Variants in TBC1D9 observed in about 807,000 individuals in gnomAD.
The protein encoded by TBC1D9 is TBC1 domain family member 9A.
A neutral mutation model predicts 132.0 loss-of-function variants in TBC1D9; 63 were observed. The observed-to-expected ratio is 0.48, with a 90% CI of 0.39 to 0.59. TBC1D9 has a LOEUF of 0.59. Among genes scored for constraint, TBC1D9 ranks in the 20% least tolerant of loss-of-function variants. The pLI, the probability that TBC1D9 is intolerant of heterozygous loss-of-function variation, is 0.00. For missense variants in TBC1D9, 1,261 were observed against 1,592.7 expected, an observed-to-expected ratio of 0.79 and a Z score of 3.54; for synonymous variants, 610 against 609.9, an observed-to-expected ratio of 1.00 and a Z score of 0.00.
At chr4:140,701,311 C>CAAT (rs1738065389) in intron 2 of TBC1D9, among the ~76,000 whole-genome samples, 193 bp downstream of exon 2, 1 of 152,204 alleles carries the variant, frequency 6.6e-6, no homozygotes, top group African/African-American at 2.4e-5. Flanking sequence ...ACGACTCTAT[C>CAAT]AGAGTGAGAA....
At chr4:140,689,934 T>C (rs1176774571) in intron 2 of TBC1D9, among the ~76,000 whole-genome samples, 1 of 150,848 alleles carries the variant, frequency 6.6e-6, no homozygotes, top group Non-Finnish European at 1.5e-5. Flanking sequence ...ATATTTTTAG[T>C]AGGTCTCAAA....
intron 11 of TBC1D9, among the ~76,000 whole-genome samples, chr4:140,658,326 A>G (rs1385606414): frequency 6.6e-6 from 1 of 152,212 alleles, no homozygotes; most frequent in Non-Finnish European, 1.5e-5. Flanking sequence ...CCAAACCTGT[A>G]TAGCATGTTA....
intron 1 of TBC1D9, among the ~76,000 whole-genome samples, chr4:140,736,976 T>A (rs1395614400): frequency 6.6e-6 from 1 of 152,122 alleles, no homozygotes; most frequent in Non-Finnish European, 1.5e-5. Context: ...AGCAGTTTAG[T>A]GGAAGGCAAT....
In TBC1D9 at chr4:140,659,588, C is replaced by T; in HGVS notation, c.1921G>A (p.Gly641Ser). The T allele has an allele frequency of 6.3e-7, 1 of 1,583,838 alleles. No individual in the cohort carries two copies. The highest frequency in any genetic ancestry group is 8.6e-7 in the Non-Finnish European group (1 of 1,163,696). Residue 641 changes from glycine to serine, a missense_variant and splice_region_variant, in exon 11 of 21, where the codon GGT becomes AGT. Physicochemically the swap from Gly to Ser is moderately conservative, Grantham distance 56. Coordinates refer to ENST00000442267, the MANE Select transcript of TBC1D9 (RefSeq NM_015130.3). ...AAATGTTAAATGCATCTCCACTTAC[C>T]CACAACTCTGGTGTTGTAGTAATCT... ...LPDYYNTRVV[G>S]ALVDQGVFEE...
Position 140,670,923 on chromosome 4 carries a change from T to C in TBC1D9, c.1063A>G (p.Thr355Ala). The change falls in exon 7 of 21, where the codon ACA becomes GCA. Residue 355 changes from threonine to alanine, a missense_variant. Physicochemically the swap from Thr to Ala is moderately conservative, Grantham distance 58. This residue lies in a region of TBC1D9 where 550 missense variants were observed against 699.0 expected (regional missense o/e 0.79). Transcript: ENST00000442267. ...CSLIIPLREV[T>A]IVEKADSSSV... The stretch of plus-strand genomic sequence containing the variant: ...GAGCTGTCTGCCTTTTCCACAATTG[T>C]CACCTGAAAAGAAGTGGGAAACAAA... The C allele has an allele frequency of 1.2e-6, 2 of 1,613,638 alleles. No individual in the cohort carries two copies. Among genetic ancestry groups the C allele is most frequent in the Non-Finnish European group, 1.7e-6 (2 of 1,179,676 alleles).
chr4:140,671,069 T>TA, intron 6 of TBC1D9, 143 bp from the exon 7 acceptor site: 1 of 646,866 alleles, frequency 1.5e-6, no homozygotes, highest in Non-Finnish European at 2.7e-6. Flanking sequence ...CTGAGACTCT[T>TA]TGACTCTGTT....
At chr4:140,660,716 T>C (rs888946266) in intron 10 of TBC1D9, among the ~76,000 whole-genome samples, 4 of 152,140 alleles carry the variant, frequency 2.6e-5, no homozygotes, top group Non-Finnish European at 5.9e-5. Context: ...TAGTGTTAGA[T>C]AAAACAAAGA....
intron 2 of TBC1D9, among the ~76,000 whole-genome samples, chr4:140,691,105 AG>A (rs1737872399): frequency 6.6e-6 from 1 of 152,190 alleles, no homozygotes; most frequent in Non-Finnish European, 1.5e-5. Flanking sequence ...GGTCACTAAA[AG>A]TACGAGGATA....
chr4:140,741,661 T>G (rs1463831106), intron 1 of TBC1D9, among the ~76,000 whole-genome samples: 1 of 152,308 alleles, frequency 6.6e-6, no homozygotes, highest in South Asian at 2.1e-4. Flanking sequence ...GAGGATGCAG[T>G]GAGCAGAGAT....
rs1737491612 is a variant in TBC1D9, at chr4:140,668,966, C to T, written c.1539G>A (p.Leu513=). 6.8e-6 allele frequency: 11 copies of T among 1,614,004 alleles called. No individual in the cohort carries two copies. The highest frequency in any genetic ancestry group is 9.3e-6 in the Non-Finnish European group (11 of 1,179,876). The part of the protein sequence containing the change: ...YRTEKTRELV[L]KGIPESMRGE... The stretch of plus-strand genomic sequence containing the variant: ...CACGCATGCTCTCCGGGATGCCCTT[C>T]AACACCAGCTCCCGCGTTTTCTCTG... The change falls in exon 9 of 21, where the codon TTG becomes TTA. Residue 513 remains leucine (L), a synonymous_variant. Transcript: ENST00000442267.
chr4:140,662,640 C>T (rs1017302626), intron 9 of TBC1D9, among the ~76,000 whole-genome samples: 1 of 152,124 alleles, frequency 6.6e-6, no homozygotes, highest in African/African-American at 2.4e-5. Flanking sequence ...TTTCAAATTG[C>T]AGAGTGGTAA....
In TBC1D9 at chr4:140,756,125, C is replaced by A; in HGVS notation, c.-80G>T. 1 of 1,251,594 alleles carries A rather than the reference C, an allele frequency of 8.0e-7. No homozygotes were observed. Among genetic ancestry groups the A allele is most frequent in the Non-Finnish European group, 1.1e-6 (1 of 952,050 alleles). 77.5% of individuals were successfully genotyped at this position (1,251,594 alleles called of 1,614,324 possible). A position where few individuals can be genotyped will look rare whatever the true frequency, so the allele number is the denominator to read the frequency against. Reference sequence around the variant, plus strand: ...CCACCACCGCGACAGGCGCGCACTCCTGGGCACACGCGCGCCCGCCCGCCC... The same window carrying A: ...CCACCACCGCGACAGGCGCGCACTCATGGGCACACGCGCGCCCGCCCGCCC... On this transcript the variant is annotated 5_prime_UTR_variant, in exon 1 of 21. The change creates a new upstream start codon in the 5' untranslated region. Transcript: ENST00000442267. The surrounding 1 kb of genome is among the most constrained non-coding windows in gnomAD (Gnocchi z 5.6).
At chr4:140,684,876 A>C (rs946727334) in intron 3 of TBC1D9, among the ~76,000 whole-genome samples, 5 of 151,932 alleles carry the variant, frequency 3.3e-5, no homozygotes, top group African/African-American at 9.7e-5. Context: ...CAAAGGAGGC[A>C]ATTTGTAGGG....
rs1201942946 is a variant in TBC1D9 at position 140,716,939 on chromosome 4, A to AAAC, written c.131-15328_131-15326dup. ...GGGGCTGTAAAAAAAAAAAAAACAC[A>AAAC]AACAACAACAACAACAAAAAAAGCA... On this transcript the variant is annotated intron_variant, in intron 1 of 20. Coordinates refer to ENST00000442267, the MANE Select transcript of TBC1D9 (RefSeq NM_015130.3). Among the ~76,000 whole-genome samples, 122 of 151,220 alleles carry AAAC rather than the reference A, an allele frequency of 8.1e-4. 2 individuals are homozygous for AAAC. In the South Asian group the frequency reaches 0.023, roughly 29 times the overall value.
At chr4:140,750,244 A>G (rs1260115567) in intron 1 of TBC1D9, among the ~76,000 whole-genome samples, 2 of 152,100 alleles carry the variant, frequency 1.3e-5, no homozygotes, top group Non-Finnish European at 2.9e-5. Context: ...GGAAGGGATA[A>G]GAGTATGTAC....
At chr4:140,669,559 T>A in intron 8 of TBC1D9, 75 bp downstream of exon 8, 1 of 1,456,584 alleles carries the variant, frequency 6.9e-7, no homozygotes, top group Non-Finnish European at 9.3e-7. Context: ...TGTGTGAATT[T>A]ACTTACAGTA....
intron 15 of TBC1D9, among the ~76,000 whole-genome samples, chr4:140,638,172 T>G (rs1736909953): frequency 6.6e-6 from 1 of 152,206 alleles, no homozygotes; most frequent in African/African-American, 2.4e-5. Context: ...ATCTTTGCAA[T>G]TCTCAAAACA....
chr4:140,662,248 T>C (rs750958933), intron 9 of TBC1D9, 141 bp from the exon 10 acceptor site: 4 of 760,720 alleles, frequency 5.3e-6, no homozygotes, highest in East Asian at 5.0e-5. Context: ...ACAGATGTGG[T>C]ATGTTGCAAT....
intron 3 of TBC1D9, among the ~76,000 whole-genome samples, chr4:140,685,708 T>C (rs1436096788): frequency 6.6e-6 from 1 of 152,176 alleles, no homozygotes; most frequent in South Asian, 2.1e-4. Flanking sequence ...ATGTTAAATA[T>C]TGCAGGTGAT....
Sources: allele counts gnomAD v4.1 joint callset (sites outside exome capture counted in the v4.1 genomes callset), GRCh38; gene constraint gnomAD v4.1.1; regional missense constraint gnomAD v4.1.1; non-coding constraint Gnocchi (gnomAD v3.1); transcripts MANE v1.5; gene names NCBI Gene and HGNC (gene_info 2026-07-23, HGNC 2026-07-21).